The following FAM178B variants were observed in gnomAD, a reference collection of about 807,000 sequenced individuals.
FAM178B encodes family with sequence similarity 178 member B, also known as protein FAM178B.
A neutral mutation model predicts 91.7 loss-of-function variants in FAM178B; 82 were observed. The ratio of observed to expected loss-of-function variants is 0.89; its 90% CI spans 0.75 to 1.07. The LOEUF (loss-of-function observed/expected upper bound fraction) is 1.07, where lower values mean the gene tolerates loss of function less well. Among genes scored for constraint, FAM178B ranks in the 50% least tolerant of loss-of-function variants. The probability of loss-of-function intolerance (pLI) is 0.00; values close to 1 mark genes in which losing one functional copy is unlikely to be tolerated. For synonymous variants in FAM178B, 368 were observed against 359.4 expected, an observed-to-expected ratio of 1.02 and a Z score of -0.27; for missense variants, 769 against 846.7, an observed-to-expected ratio of 0.91 and a Z score of 1.14.
chr2:96,923,493 G>A lies in FAM178B; in HGVS notation c.1284C>T (p.Tyr428=). ...IALDISLGHI[Y]KFLALCAQAQ... ...TGAGGCAGGCGGCTTGACTCACCTT[G>A]TAGATGTGGCCCAGGCTGATGTCCA... The change falls in exon 10 of 17, where the codon TAC becomes TAT. Residue 428 remains tyrosine, a synonymous_variant. Transcript: ENST00000490605. The A allele has an allele frequency of 6.4e-7, 1 of 1,551,214 alleles. No homozygotes were observed. Among genetic ancestry groups the A allele is most frequent in the Non-Finnish European group, 8.7e-7 (1 of 1,146,560 alleles).
At chr2:96,876,840 C>T (rs878978570) in intron 16 of FAM178B, among the ~76,000 whole-genome samples, 8 of 151,326 alleles carry the variant, frequency 5.3e-5, no homozygotes, top group South Asian at 2.1e-4. Flanking sequence ...GAGGAGACCC[C>T]GAGCCAGCCC....
chr2:96,934,522 C>CA (rs1279829919), intron 8 of FAM178B, among the ~76,000 whole-genome samples: 1 of 152,036 alleles, frequency 6.6e-6, no homozygotes, highest in Non-Finnish European at 1.5e-5. Context: ...ACAACAACAA[C>CA]AAAAAAATCC....
intron 14 of FAM178B, among the ~76,000 whole-genome samples, chr2:96,881,725 T>C (rs1002832622): frequency 8.5e-6 from 1 of 118,342 alleles, no homozygotes; most frequent in Non-Finnish European, 1.7e-5. Context: ...ATTCCCATAA[T>C]TGAATCTGCA....
chr2:96,916,558 C>G (rs1434614947), intron 12 of FAM178B, among the ~76,000 whole-genome samples: 1 of 152,188 alleles, frequency 6.6e-6, no homozygotes, highest in Admixed American at 6.5e-5. Flanking sequence ...GAGCCCTGAA[C>G]AGAAGTGGGG....
rs369852021 is a variant in FAM178B at position 96,889,505 on chromosome 2, C to A, written c.1776+4421G>T. On this transcript the variant is annotated intron_variant, in intron 14 of 16. Coordinates refer to ENST00000490605, the MANE Select transcript of FAM178B (RefSeq NM_001122646.3). Reference sequence around the variant, plus strand: ...ACCAGCCCGGCCAACATGGTGAAACCCCATCTCTACAAAAATACAAAAATT... The same window carrying A: ...ACCAGCCCGGCCAACATGGTGAAACACCATCTCTACAAAAATACAAAAATT... 1.9e-3 allele frequency among the ~76,000 whole-genome samples: 284 copies of A among 151,664 alleles called. 9 individuals are homozygous for A. The East Asian group carries it at 0.035, about 19-fold the overall frequency.
chr2:96,981,740 CA>C (rs377081384), intron 1 of FAM178B, among the ~76,000 whole-genome samples: 237 of 18,714 alleles, frequency 0.013, no homozygotes, highest in East Asian at 0.032. Flanking sequence ...GACTCCGTCT[CA>C]AAAAAAAAAA....
intron 1 of FAM178B, among the ~76,000 whole-genome samples, chr2:96,985,479 C>T (rs2082411538): frequency 1.3e-5 from 2 of 152,212 alleles, no homozygotes; most frequent in Admixed American, 1.3e-4. Context: ...CCCTCGCGTC[C>T]TCGCAGTGAG....
At chr2:96,916,992 C>T (rs1010771835) in intron 12 of FAM178B, among the ~76,000 whole-genome samples, 1 of 152,134 alleles carries the variant, frequency 6.6e-6, no homozygotes, top group Non-Finnish European at 1.5e-5. Flanking sequence ...TCACTGAAGA[C>T]CCACAGTGAG....
At chr2:96,965,534 C>A (rs2082132608) in intron 5 of FAM178B, among the ~76,000 whole-genome samples, 1 of 151,984 alleles carries the variant, frequency 6.6e-6, no homozygotes, top group South Asian at 2.1e-4. Context: ...GTGATCACAG[C>A]TCACTGCAGC....
chr2:96,902,700 G>A lies in FAM178B; in HGVS notation c.1570C>T (p.Arg524Ter), dbSNP rs981169022. Residue 524 changes from arginine to a stop codon, truncating the protein, a stop_gained, in exon 13 of 17, where the codon CGA becomes TGA. Transcript: ENST00000490605. LOFTEE classifies it high-confidence loss of function. The stretch of plus-strand genomic sequence containing the variant: ...ATGACCACAAGGCTGAGCTGGCTTC[G>A]AAGCCGCCTGGGGGAAAAGCGACAG... ...PDMTSRSRRL[R>*]SQLSLVVIAR... 5.2e-6 allele frequency: 8 copies of A among 1,550,200 alleles called. No individual in the cohort carries two copies. The highest frequency in any genetic ancestry group is 2.7e-5 in the African/African-American group (2 of 73,006).
chr2:96,903,657 G>C (rs532121452), intron 12 of FAM178B, among the ~76,000 whole-genome samples: 2 of 152,226 alleles, frequency 1.3e-5, no homozygotes, highest in African/African-American at 4.8e-5. Flanking sequence ...ATCAGGAAGA[G>C]GAAGCCACAG....
chr2:96,970,319 GA>G (rs1417495858), intron 4 of FAM178B, among the ~76,000 whole-genome samples: 1 of 152,214 alleles, frequency 6.6e-6, no homozygotes, highest in African/African-American at 2.4e-5. Flanking sequence ...AGCAGCGGCA[GA>G]AATGTTAGGA....
At chr2:96,881,561 G>T (rs569682219) in intron 14 of FAM178B, among the ~76,000 whole-genome samples, 1 of 152,188 alleles carries the variant, frequency 6.6e-6, no homozygotes, top group East Asian at 1.9e-4. Context: ...TCTGGAGGAG[G>T]CCCGGCTGCA....
rs560520189 is a variant in FAM178B at position 96,982,696 on chromosome 2, G to A, written c.73+3545C>T. On this transcript the variant is annotated intron_variant, in intron 1 of 16. Coordinates refer to ENST00000490605, the MANE Select transcript of FAM178B (RefSeq NM_001122646.3). ...CAACCCTCCTGCCTCAACCTCCTGA[G>A]TAGCTAGGAGTGCAGGTTCACACCA... 3.3e-5 allele frequency among the ~76,000 whole-genome samples: 5 copies of A among 150,086 alleles called. No homozygotes were observed. In the South Asian group the frequency reaches 1.1e-3, roughly 32 times the overall value.
chr2:96,962,897 C>A (rs978650961), intron 5 of FAM178B, among the ~76,000 whole-genome samples: 2 of 152,182 alleles, frequency 1.3e-5, no homozygotes, highest in Non-Finnish European at 2.9e-5. Flanking sequence ...CCTGCACCCC[C>A]TTCCCTGGCC....
At chr2:96,896,601 G>C (rs2080828541) in intron 13 of FAM178B, among the ~76,000 whole-genome samples, 1 of 152,176 alleles carries the variant, frequency 6.6e-6, no homozygotes, top group Admixed American at 6.5e-5. Flanking sequence ...TCAGAGGCAG[G>C]GAAGAGGTGG....
intron 8 of FAM178B, among the ~76,000 whole-genome samples, chr2:96,940,209 A>G (rs914821198): frequency 6.6e-6 from 1 of 152,120 alleles, no homozygotes; most frequent in Non-Finnish European, 1.5e-5. Flanking sequence ...GCCCTGTGGA[A>G]TCAGGGAGTA....
intron 1 of FAM178B, chr2:96,978,033 C>G: frequency 2.5e-6 from 1 of 400,976 alleles, no homozygotes; most frequent in African/African-American, 2.1e-5. Flanking sequence ...AAAAAAATGA[C>G]ACAACTTCTC....
chr2:96,970,905 G>A (rs1346579702), intron 3 of FAM178B, 128 bp from the exon 4 acceptor site: 1 of 744,322 alleles, frequency 1.3e-6, no homozygotes, highest in Non-Finnish European at 2.2e-6. Flanking sequence ...TATGTTTACA[G>A]GATTAAAAAA....
Sources: allele counts gnomAD v4.1 joint callset (sites outside exome capture counted in the v4.1 genomes callset), GRCh38; gene constraint gnomAD v4.1.1; transcripts MANE v1.5; gene names NCBI Gene and HGNC (gene_info 2026-07-23, HGNC 2026-07-21).